MAP3K15: variants seen among roughly 807,000 people sequenced by gnomAD.
MAP3K15 encodes the protein MAPK/ERK kinase kinase 15.
In MAP3K15, 124 loss-of-function variants were observed where a neutral mutation model predicts 99.5. The observed-to-expected ratio is 1.25, with a 90% CI of 1.08 to 1.45. MAP3K15 has a LOEUF of 1.45. MAP3K15 is among the 40% of genes most tolerant of loss of function. The pLI is 0.00. For synonymous variants in MAP3K15, 494 were observed against 439.6 expected (o/e 1.12, Z -1.55); for missense variants, 1,242 against 1,079.7 (o/e 1.15, Z -2.11).
At chrX:19,503,180 T>G (rs1225884182) in intron 1 of MAP3K15, among the ~76,000 whole-genome samples, 1 of 112,087 alleles carries the variant, frequency 8.9e-6, no homozygotes, top group African/African-American at 3.2e-5. Flanking sequence ...TGGGGGATTT[T>G]ACTCATCCAT....
chrX:19,415,241 C>G lies in MAP3K15; in HGVS notation c.1456G>C (p.Val486Leu), dbSNP rs1425341351. 2 of 1,172,446 alleles carry G rather than the reference C, an allele frequency of 1.7e-6. No homozygotes were observed. Among genetic ancestry groups the G allele is most frequent in the Non-Finnish European group, 2.3e-6 (2 of 881,998 alleles). Reference sequence around the variant, plus strand: ...CGCCGAATTAGTAACAAGTTCTGAACTAATGATCGCAGGTACCTGGAAAAA... The same window carrying G: ...CGCCGAATTAGTAACAAGTTCTGAAGTAATGATCGCAGGTACCTGGAAAAA... ...KPPVWYLRSL[V>L]QNLLLIRRFK... Residue 486 changes from valine to leucine, a missense_variant, in exon 10 of 29, where the codon GTT (valine) becomes CTT (leucine). Transcript: ENST00000338883.
At chrX:19,464,476 C>T in intron 3 of MAP3K15, 70 bp from the exon 4 acceptor site, 1 of 819,268 alleles carries the variant, frequency 1.2e-6, no homozygotes, top group East Asian at 3.4e-5. Flanking sequence ...GCAGGTGGCG[C>T]CTGGTGGGAC....
At chrX:19,393,739 A>C (rs1333184782) in intron 16 of MAP3K15, among the ~76,000 whole-genome samples, 6 of 106,555 alleles carry the variant, frequency 5.6e-5, no homozygotes, top group African/African-American at 2.1e-4. Context: ...TAACCCTGAA[A>C]ATCTAGCCCA....
At chrX:19,394,758 T>A (rs2063553182) in intron 16 of MAP3K15, among the ~76,000 whole-genome samples, 1 of 90,902 alleles carries the variant, frequency 1.1e-5, no homozygotes, top group Non-Finnish European at 2.1e-5. Flanking sequence ...TTGGAAAGTA[T>A]CCAACTTTCC....
intron 6 of MAP3K15, among the ~76,000 whole-genome samples, chrX:19,445,808 G>A (rs988377546): frequency 3.7e-5 from 4 of 108,082 alleles, no homozygotes; most frequent in Non-Finnish European, 7.6e-5. Context: ...TTAGCCAGGC[G>A]TGGTGTCAGG....
At chrX:19,495,538 A>G (rs996878507) in intron 1 of MAP3K15, among the ~76,000 whole-genome samples, 91 of 111,102 alleles carry the variant, frequency 8.2e-4, no homozygotes, top group Non-Finnish European at 3.0e-4. Flanking sequence ...AGAATGACTG[A>G]AAGTAAATCT....
intron 9 of MAP3K15, among the ~76,000 whole-genome samples, chrX:19,416,600 A>T (rs1055671646): frequency 8.9e-6 from 1 of 111,898 alleles, no homozygotes; most frequent in Non-Finnish European, 1.9e-5. Context: ...CTTGATATGT[A>T]TTGCAGATTG....
At chrX:19,510,594 A>G (rs1179488990) in intron 1 of MAP3K15, among the ~76,000 whole-genome samples, 2 of 112,483 alleles carry the variant, frequency 1.8e-5, no homozygotes, top group Admixed American at 1.9e-4. Flanking sequence ...ATCATACTGA[A>G]TGGGCAAAAG....
intron 18 of MAP3K15, among the ~76,000 whole-genome samples, chrX:19,388,362 C>T (rs952146462): frequency 3.6e-5 from 4 of 111,801 alleles, no homozygotes; most frequent in African/African-American, 1.3e-4. Flanking sequence ...AAAGAACTCC[C>T]GCCCCAGGCA....
At chrX:19,471,007 A>C (rs1437721132) in intron 3 of MAP3K15, among the ~76,000 whole-genome samples, 1 of 112,184 alleles carries the variant, frequency 8.9e-6, no homozygotes, top group Non-Finnish European at 1.9e-5. Flanking sequence ...TACAACAGCC[A>C]AAATGAAAAA....
rs1264439017 is a variant in MAP3K15, at chrX:19,430,061, A to G, written c.1166+1377T>C. Among the ~76,000 whole-genome samples, 3 of 111,786 alleles carry G rather than the reference A, an allele frequency of 2.7e-5. No homozygotes were observed. The Admixed American group carries it at 2.9e-4, about 11-fold the overall frequency. On this transcript the variant is annotated intron_variant, in intron 7 of 28. Transcript: ENST00000338883. ...GTGATAGACTGTTTAATGGCCACAA[A>G]TTCCTCCCATCGCAATATGCATGCA...
chrX:19,369,301 C>G lies in MAP3K15; in HGVS notation c.3401-82G>C, dbSNP rs192064297. Reference sequence around the variant, plus strand: ...GTCGCAGACACCCAGGTCAGCAAACCGGGCTGTTCAGAAGCTGGCCCAGCC... The same window carrying G: ...GTCGCAGACACCCAGGTCAGCAAACGGGGCTGTTCAGAAGCTGGCCCAGCC... On this transcript the variant is annotated intron_variant, in intron 24 of 28. Transcript: ENST00000338883. The G allele has an allele frequency of 3.6e-3, 3,978 of 1,114,529 alleles. 100 individuals carry two copies. In the African/African-American group the frequency reaches 0.062, roughly 17 times the overall value. The allele number at this position is 1,114,529 out of a possible 1,213,427, so 91.8% of individuals were successfully genotyped here. A position where few individuals can be genotyped will look rare whatever the true frequency, so the allele number is the denominator to read the frequency against.
chrX:19,404,900 TA>T (rs2063636381), intron 13 of MAP3K15, among the ~76,000 whole-genome samples: 1 of 111,230 alleles, frequency 9.0e-6, no homozygotes, highest in Admixed American at 9.6e-5. Context: ...ATATAAAAGT[TA>T]AAACTATAAA....
chrX:19,436,405 C>T (rs181680703), intron 6 of MAP3K15, among the ~76,000 whole-genome samples: 149 of 110,790 alleles, frequency 1.3e-3, no homozygotes, highest in African/African-American at 4.5e-3. Flanking sequence ...CACACTCGCC[C>T]GATTTTCTCC....
chrX:19,401,893 AC>A (rs1196022275), intron 13 of MAP3K15, among the ~76,000 whole-genome samples: 3 of 111,426 alleles, frequency 2.7e-5, no homozygotes, highest in Non-Finnish European at 5.7e-5. Context: ...TTTCTAACTA[AC>A]CCATCTTACC....
intron 13 of MAP3K15, among the ~76,000 whole-genome samples, chrX:19,404,209 A>G (rs1441975352): frequency 8.9e-6 from 1 of 112,343 alleles, no homozygotes; most frequent in Non-Finnish European, 1.9e-5. Context: ...GTGTATTTCT[A>G]ATACATTATC....
At chrX:19,446,294 T>C (rs1201487241) in intron 6 of MAP3K15, among the ~76,000 whole-genome samples, 1 of 112,277 alleles carries the variant, frequency 8.9e-6, no homozygotes, top group Non-Finnish European at 1.9e-5. Context: ...GAATCCATCA[T>C]AAAGCAAGGT....
intron 25 of MAP3K15, among the ~76,000 whole-genome samples, chrX:19,365,360 C>G (rs981342183): frequency 1.8e-5 from 2 of 112,429 alleles, no homozygotes; most frequent in African/African-American, 6.5e-5. Context: ...TGCTGGGTTT[C>G]CCCACTCAGT....
chrX:19,456,815 G>A lies in MAP3K15; in HGVS notation c.995+98C>T, dbSNP rs188235521. On this transcript the variant is annotated intron_variant, in intron 6 of 28. Transcript: ENST00000338883. ...TCCATCTTCATAACCTTGGCATTTA[G>A]CACGTGACCTGGCTCATACCCGATG... 2.3e-5 allele frequency: 13 copies of A among 568,596 alleles called. No homozygotes were observed. The East Asian group carries it at 5.0e-4, about 22-fold the overall frequency. The allele number at this position is 568,596 out of a possible 1,213,427, so 46.9% of individuals were successfully genotyped here.
Sources: gnomAD v4.1 joint callset for allele counts (sites outside exome capture counted in the v4.1 genomes callset) on GRCh38, gnomAD v4.1.1 for gene constraint, MANE v1.5 for transcripts, NCBI Gene and HGNC (gene_info 2026-07-23, HGNC 2026-07-21) for gene names.